Variants in NELL1 observed in about 807,000 individuals in gnomAD.
NELL1 encodes the protein protein kinase C-binding protein NELL1.
Under a neutral mutation model 107.4 loss-of-function variants are expected in NELL1, and 76 were observed. The ratio of observed to expected loss-of-function variants is 0.71; its 90% confidence interval spans 0.59 to 0.86. The LOEUF (loss-of-function observed/expected upper bound fraction) is 0.86, where lower values mean the gene tolerates loss of function less well. NELL1 is among the 40% of genes least tolerant of loss of function. NELL1 has a pLI of 0.00. For synonymous variants in NELL1, 353 were observed against 341.2 expected (o/e 1.03, Z -0.38); for missense variants, 1,024 against 1,005.5 (o/e 1.02, Z -0.25).
Position 20,960,572 on chromosome 11 carries a change from A to G in NELL1, c.1300+12A>G, listed in dbSNP as rs770967050. On this transcript the variant is annotated intron_variant, in intron 12 of 19. Transcript: ENST00000357134. ...TGCCTACTGTGAAGGTAAGTAAGCT[A>G]TTTAATGAAGTCACTTGTGAGAGGT... The G allele has an allele frequency of 1.9e-6, 3 of 1,613,594 alleles. No individual in the cohort carries two copies. In the African/African-American group the frequency reaches 4.0e-5, roughly 22 times the overall value.
intron 12 of NELL1, among the ~76,000 whole-genome samples, chr11:21,045,321 G>C (rs1350547366): frequency 6.6e-6 from 1 of 152,164 alleles, no homozygotes; most frequent in Admixed American, 6.5e-5. Flanking sequence ...AATGTCTGAA[G>C]TGGTTTGAGG....
chr11:20,752,549 CTAAA>C (rs1247560685), intron 2 of NELL1, among the ~76,000 whole-genome samples: 1 of 152,112 alleles, frequency 6.6e-6, no homozygotes, highest in East Asian at 1.9e-4. Context: ...AACTCCATCT[CTAAA>C]TAAATAAATA....
chr11:21,050,943 T>C (rs1268299939), intron 12 of NELL1, among the ~76,000 whole-genome samples: 2 of 152,138 alleles, frequency 1.3e-5, no homozygotes, highest in Non-Finnish European at 2.9e-5. Flanking sequence ...GGTTGATGGC[T>C]TTCCAATGGA....
chr11:21,485,625 C>A (rs1435246832), intron 15 of NELL1, among the ~76,000 whole-genome samples: 3 of 151,906 alleles, frequency 2.0e-5, no homozygotes, highest in Non-Finnish European at 4.4e-5. Flanking sequence ...CTACAAATGC[C>A]TGCTTAAGCT....
At chr11:21,016,478 T>C (rs900279261) in intron 12 of NELL1, among the ~76,000 whole-genome samples, 4 of 152,132 alleles carry the variant, frequency 2.6e-5, no homozygotes, top group African/African-American at 9.7e-5. Flanking sequence ...TTCTCCATTC[T>C]TACCCACACG....
intron 1 of NELL1, among the ~76,000 whole-genome samples, chr11:20,674,874 G>A (rs530573684): frequency 3.3e-5 from 5 of 152,198 alleles, no homozygotes; most frequent in Admixed American, 1.3e-4. Flanking sequence ...GGATGCCATC[G>A]TAGAAGGTCT....
intron 18 of NELL1, among the ~76,000 whole-genome samples, chr11:21,572,367 A>T (rs920599192): frequency 5.9e-5 from 9 of 151,628 alleles, no homozygotes; most frequent in Non-Finnish European, 4.4e-5. Context: ...AATATTCAAG[A>T]CTTTTCATGT....
intron 14 of NELL1, among the ~76,000 whole-genome samples, chr11:21,288,981 G>A (rs1315002462): frequency 6.6e-6 from 1 of 152,180 alleles, no homozygotes; most frequent in Non-Finnish European, 1.5e-5. Context: ...GACCAAGGCT[G>A]TAGACCTCTT....
chr11:20,937,592 A>G (rs1850753355), intron 9 of NELL1, among the ~76,000 whole-genome samples, 194 bp from the exon 10 acceptor site: 1 of 152,238 alleles, frequency 6.6e-6, no homozygotes, highest in African/African-American at 2.4e-5. Flanking sequence ...GGCAAACACA[A>G]TCATGATGAG....
chr11:21,337,998 A>G (rs1046092630), intron 14 of NELL1, among the ~76,000 whole-genome samples: 5 of 151,742 alleles, frequency 3.3e-5, no homozygotes, highest in Non-Finnish European at 7.4e-5. Context: ...AATGCATCCT[A>G]AACTGTGTGC....
At chr11:20,930,450 G>C (rs981047946) in intron 9 of NELL1, among the ~76,000 whole-genome samples, 2 of 152,058 alleles carry the variant, frequency 1.3e-5, no homozygotes, top group Admixed American at 1.3e-4. Flanking sequence ...TTGTTTGGCT[G>C]TTGCATAACT....
chr11:20,903,538 T>C (rs923454807), intron 5 of NELL1, among the ~76,000 whole-genome samples: 1 of 152,094 alleles, frequency 6.6e-6, no homozygotes, highest in Non-Finnish European at 1.5e-5. Context: ...CAAATTTGAG[T>C]GCACTGACAT....
At chr11:21,383,231 C>T (rs1483700809) in intron 15 of NELL1, among the ~76,000 whole-genome samples, 1 of 151,638 alleles carries the variant, frequency 6.6e-6, no homozygotes, top group East Asian at 2.0e-4. Context: ...AAGGTCTATG[C>T]ATTTATTATG....
intron 13 of NELL1, among the ~76,000 whole-genome samples, chr11:21,145,227 A>G (rs955277937): frequency 6.6e-6 from 1 of 152,200 alleles, no homozygotes; most frequent in African/African-American, 2.4e-5. Flanking sequence ...GTGAGTAGGT[A>G]TTATTATTCC....
intron 4 of NELL1, among the ~76,000 whole-genome samples, chr11:20,866,258 T>A (rs1426081937): frequency 1.3e-5 from 2 of 152,118 alleles, no homozygotes; most frequent in Non-Finnish European, 2.9e-5. Flanking sequence ...GCACAGCCAA[T>A]GAGAAGCACA....
intron 5 of NELL1, among the ~76,000 whole-genome samples, chr11:20,910,323 C>T (rs1850099253): frequency 6.6e-6 from 1 of 152,178 alleles, no homozygotes; most frequent in Non-Finnish European, 1.5e-5. Context: ...AAGCAAGTCA[C>T]AAGACTAGCC....
At chr11:21,106,820 T>A (rs1251190873) in intron 12 of NELL1, among the ~76,000 whole-genome samples, 2 of 152,152 alleles carry the variant, frequency 1.3e-5, no homozygotes, top group Non-Finnish European at 2.9e-5. Context: ...TAGAAAAACA[T>A]GGAACATTGA....
intron 13 of NELL1, among the ~76,000 whole-genome samples, chr11:21,205,532 C>T (rs1857371340): frequency 6.6e-6 from 1 of 152,218 alleles, no homozygotes; most frequent in South Asian, 2.1e-4. Context: ...GAATTTCAAC[C>T]CAGTTGCCCT....
intron 14 of NELL1, among the ~76,000 whole-genome samples, chr11:21,346,725 T>G (rs1590857725): frequency 6.6e-6 from 1 of 150,412 alleles, no homozygotes; most frequent in Non-Finnish European, 1.5e-5. Flanking sequence ...GAAGCATAGA[T>G]GCTTAACAGG....
Sources: allele counts gnomAD v4.1 joint callset (sites outside exome capture counted in the v4.1 genomes callset), GRCh38; gene constraint gnomAD v4.1.1; transcripts MANE v1.5; gene names NCBI Gene and HGNC (gene_info 2026-07-23, HGNC 2026-07-21).